The following PDE3A variants were observed in gnomAD, a reference collection of about 807,000 sequenced individuals.
PDE3A encodes the protein cGMP-inhibited 3',5'-cyclic phosphodiesterase 3A.
In PDE3A, 43 loss-of-function variants were observed where a neutral mutation model predicts 98.3. The observed-to-expected ratio is 0.44, with a 90% confidence interval of 0.34 to 0.56. The LOEUF (loss-of-function observed/expected upper bound fraction) is 0.56. Among genes scored for constraint, PDE3A ranks in the 20% least tolerant of loss-of-function variants. The pLI is 0.01. For missense variants in PDE3A, 1,427 were observed against 1,440.7 expected (o/e 0.99, Z 0.15); for synonymous variants, 663 against 567.9 (o/e 1.17, Z -2.38).
At chr12:20,411,754 G>C (rs561781719) in intron 1 of PDE3A, among the ~76,000 whole-genome samples, 173 of 152,214 alleles carry the variant, frequency 1.1e-3, no homozygotes, top group Non-Finnish European at 2.0e-3. Flanking sequence ...GTAGAGGTCC[G>C]AGATAACCCC....
chr12:20,436,632 T>C (rs116757377), intron 1 of PDE3A, among the ~76,000 whole-genome samples: 234 of 152,298 alleles, frequency 1.5e-3, no homozygotes, highest in African/African-American at 5.4e-3. Flanking sequence ...ACCTTTGCTC[T>C]CTGAGGGAAG....
chr12:20,444,435 T>C (rs989423650), intron 1 of PDE3A, among the ~76,000 whole-genome samples: 3 of 152,092 alleles, frequency 2.0e-5, no homozygotes, highest in Admixed American at 6.6e-5. Flanking sequence ...CCAAATAAAA[T>C]GAATTGGTTG....
At chr12:20,509,582 G>C (rs762871717) in intron 1 of PDE3A, among the ~76,000 whole-genome samples, 1 of 151,710 alleles carries the variant, frequency 6.6e-6, no homozygotes, top group East Asian at 1.9e-4. Context: ...ATTTTAAAAG[G>C]GTATTTTTGG....
intron 15 of PDE3A, among the ~76,000 whole-genome samples, chr12:20,677,514 C>A (rs1480184039): frequency 6.6e-6 from 1 of 151,990 alleles, no homozygotes; most frequent in Non-Finnish European, 1.5e-5. Flanking sequence ...GGCTGGAGTG[C>A]AGTGGCACCA....
chr12:20,428,945 C>A (rs757263257), intron 1 of PDE3A, among the ~76,000 whole-genome samples: 7 of 152,178 alleles, frequency 4.6e-5, no homozygotes, highest in Non-Finnish European at 1.0e-4. Flanking sequence ...TATGTAGTCA[C>A]CCAAAGAGCT....
intron 2 of PDE3A, among the ~76,000 whole-genome samples, chr12:20,595,948 T>C (rs1289431562): frequency 6.6e-6 from 1 of 152,206 alleles, no homozygotes; most frequent in Admixed American, 6.5e-5. Flanking sequence ...TCAATGTTTT[T>C]CCTACATCCT....
intron 3 of PDE3A, among the ~76,000 whole-genome samples, chr12:20,615,630 A>G (rs923957175): frequency 2.0e-5 from 3 of 152,130 alleles, no homozygotes; most frequent in Admixed American, 1.3e-4. Flanking sequence ...GAATAAATAT[A>G]ACTATAAAAT....
chr12:20,679,060 C>T (rs1945706941), intron 15 of PDE3A, among the ~76,000 whole-genome samples: 1 of 152,054 alleles, frequency 6.6e-6, no homozygotes, highest in South Asian at 2.1e-4. Flanking sequence ...GAGATTATTT[C>T]TTAGAAGAAT....
At chr12:20,606,903 CACACGTCTAAAAGT>C (rs1943723526) in intron 2 of PDE3A, among the ~76,000 whole-genome samples, 1 of 150,416 alleles carries the variant, frequency 6.6e-6, no homozygotes, top group South Asian at 2.1e-4. Flanking sequence ...GATTGATAGG[CACACGTCTAAAAGT>C]ATGTATAATA....
chr12:20,688,334 T>G lies in PDE3A; in HGVS notation c.*8063T>G, dbSNP rs535194518. ...AGGCGACTTAGTGGCGGAGAAATGT[T>G]TGTAAAAAGTAGAATCTGTACAGAA... On this transcript the variant is annotated 3_prime_UTR_variant, in exon 16 of 16. Transcript: ENST00000359062. Among the ~76,000 whole-genome samples, 109 of 152,098 alleles carry G rather than the reference T, an allele frequency of 7.2e-4. No individual in the cohort carries two copies. Among genetic ancestry groups the G allele is most frequent in the African/African-American group, 2.6e-3 (108 of 41,540 alleles).
intron 1 of PDE3A, among the ~76,000 whole-genome samples, chr12:20,379,798 T>G (rs557134205): frequency 3.3e-5 from 5 of 151,874 alleles, no homozygotes; most frequent in African/African-American, 9.6e-5. Context: ...TTTTTGTTAC[T>G]TAAATATTTT....
intron 1 of PDE3A, among the ~76,000 whole-genome samples, chr12:20,439,175 A>T (rs2120834563): frequency 6.6e-6 from 1 of 152,274 alleles, no homozygotes; most frequent in South Asian, 2.1e-4. Flanking sequence ...TTCTGTAATG[A>T]TCCAGAAAAT....
intron 1 of PDE3A, among the ~76,000 whole-genome samples, chr12:20,434,069 C>G (rs1173996134): frequency 6.6e-6 from 1 of 152,134 alleles, no homozygotes; most frequent in East Asian, 1.9e-4. Flanking sequence ...TAGGCTCCCA[C>G]ATTGTTAAAA....
At chr12:20,676,827 A>G (rs1312146630) in intron 15 of PDE3A, among the ~76,000 whole-genome samples, 4 of 152,046 alleles carry the variant, frequency 2.6e-5, no homozygotes, top group Admixed American at 6.6e-5. Flanking sequence ...TTTGGCTACA[A>G]TGCACCACGG....
At chr12:20,543,461 G>A (rs914612997) in intron 1 of PDE3A, among the ~76,000 whole-genome samples, 11 of 151,868 alleles carry the variant, frequency 7.2e-5, no homozygotes, top group African/African-American at 2.2e-4. Flanking sequence ...TACTCTTTAC[G>A]CTTGAGGAAG....
chr12:20,669,206 A>T (rs1429245619), intron 15 of PDE3A, among the ~76,000 whole-genome samples: 3 of 151,452 alleles, frequency 2.0e-5, no homozygotes, highest in Non-Finnish European at 4.4e-5. Context: ...ATGTGAAAAG[A>T]CCAAATCTAC....
intron 2 of PDE3A, among the ~76,000 whole-genome samples, chr12:20,608,507 A>T (rs1943768883): frequency 6.6e-6 from 1 of 152,134 alleles, no homozygotes; most frequent in African/African-American, 2.4e-5. Flanking sequence ...TGCAAAAGCT[A>T]CAGCATAATA....
intron 1 of PDE3A, among the ~76,000 whole-genome samples, chr12:20,491,546 C>T (rs914930550): frequency 3.3e-5 from 5 of 152,082 alleles, no homozygotes; most frequent in East Asian, 1.9e-4. Flanking sequence ...TCTTGGATCC[C>T]GCTAGTCTTG....
intron 1 of PDE3A, among the ~76,000 whole-genome samples, chr12:20,474,732 G>A (rs986076531): frequency 5.9e-5 from 9 of 152,016 alleles, no homozygotes; most frequent in African/African-American, 2.2e-4. Context: ...ACATTGCCTC[G>A]ACTGCTGCTG....
Sources: allele counts gnomAD v4.1 joint callset (sites outside exome capture counted in the v4.1 genomes callset), GRCh38; gene constraint gnomAD v4.1.1; transcripts MANE v1.5; gene names NCBI Gene and HGNC (gene_info 2026-07-23, HGNC 2026-07-21).